DPP6: variants seen among roughly 807,000 people sequenced by gnomAD.
DPP6 encodes A-type potassium channel modulatory protein DPP6.
A neutral mutation model predicts 122.6 loss-of-function variants in DPP6; 69 were observed. The observed-to-expected ratio is 0.56, with a 90% CI of 0.46 to 0.69. The LOEUF is 0.69. Ranked by LOEUF, DPP6 falls within the 30% of genes least tolerant of loss-of-function variation. DPP6 has a pLI of 0.00. For synonymous variants in DPP6, 418 were observed against 433.1 expected (o/e 0.97, Z 0.43); for missense variants, 928 against 1,116.9 (o/e 0.83, Z 2.41).
chr7:153,939,208 C>T (rs369533896), intron 1 of DPP6, among the ~76,000 whole-genome samples: 4 of 152,294 alleles, frequency 2.6e-5, no homozygotes, highest in South Asian at 4.1e-4. Context: ...ACTTCATATA[C>T]AGTACAAATT....
At chr7:153,770,726 A>G in the DPP6 span, among the ~76,000 whole-genome samples, 1 of 152,240 alleles carries the variant, frequency 6.6e-6, no homozygotes, top group Non-Finnish European at 1.5e-5. Flanking sequence ...TGTTAAAGGC[A>G]TGAATGGAAA....
At chr7:154,174,106 T>C (rs73483574) in intron 1 of DPP6, among the ~76,000 whole-genome samples, 2,189 of 152,242 alleles carry the variant, frequency 0.014, 52 homozygotes, top group African/African-American at 0.049. Flanking sequence ...ACAGTTTCCT[T>C]TGGGTGAGAA....
intron 8 of DPP6, among the ~76,000 whole-genome samples, chr7:154,759,445 G>T (rs914254409): frequency 2.0e-5 from 3 of 152,208 alleles, no homozygotes; most frequent in Non-Finnish European, 4.4e-5. Context: ...AAGCACAAGG[G>T]GCAGCGGCAA....
At chr7:153,758,916 A>C in the DPP6 span, among the ~76,000 whole-genome samples, 1 of 152,350 alleles carries the variant, frequency 6.6e-6, no homozygotes, top group East Asian at 1.9e-4. Context: ...GCAAGATCAT[A>C]CAGTAGGCAT....
At chr7:154,765,677 G>C (rs971081452) in intron 8 of DPP6, among the ~76,000 whole-genome samples, 4 of 152,180 alleles carry the variant, frequency 2.6e-5, no homozygotes, top group African/African-American at 7.2e-5. Flanking sequence ...ATCTTCAAGA[G>C]AGAAGCAGCC....
intron 1 of DPP6, among the ~76,000 whole-genome samples, chr7:153,892,633 GCATTTCTAGGAGTGTGGCCTT>G (rs372776057): frequency 6.6e-6 from 1 of 152,090 alleles, no homozygotes; most frequent in African/African-American, 2.4e-5. Context: ...TGTGGGGACA[GCATTTCTAGGAGTGTGGCCTT>G]CAGTAATGCA....
At chr7:153,934,075 C>T (rs1190482071) in intron 1 of DPP6, among the ~76,000 whole-genome samples, 3 of 152,168 alleles carry the variant, frequency 2.0e-5, no homozygotes, top group South Asian at 2.1e-4. Context: ...AGAGGACAGC[C>T]CTGCTGTAGG....
Position 154,770,935 on chromosome 7 carries a change from T to C in DPP6, c.1038+1364T>C, listed in dbSNP as rs372455341. ...ATGCTGGCTTCTGGCTTCACTAGGCTTCTCCAAGACCCCTGGGCTTGGTGG... is the reference window on the plus strand; with the variant it reads ...ATGCTGGCTTCTGGCTTCACTAGGCCTCTCCAAGACCCCTGGGCTTGGTGG... On this transcript the variant is annotated intron_variant, in intron 9 of 25. Transcript: ENST00000377770. 9.8e-5 allele frequency among the ~76,000 whole-genome samples: 15 copies of C among 152,352 alleles called. No homozygotes were observed. The East Asian group carries it at 1.4e-3, about 14-fold the overall frequency.
At chr7:154,051,439 G>GCGGGAGGGC (rs1185554026), upstream of DPP6, among the ~76,000 whole-genome samples, 10 of 151,184 alleles carry the variant, frequency 6.6e-5, no homozygotes, top group Admixed American at 5.3e-4. Flanking sequence ...CGGGGAGGAC[G>GCGGGAGGGC]CGGGAGGGCC....
upstream of DPP6, among the ~76,000 whole-genome samples, chr7:153,883,888 CAGG>C (rs1263062509): frequency 2.0e-5 from 3 of 152,168 alleles, no homozygotes; most frequent in Non-Finnish European, 4.4e-5. Flanking sequence ...ACAAGCTGGG[CAGG>C]AGGAGCAGAA....
intron 1 of DPP6, among the ~76,000 whole-genome samples, chr7:154,100,949 GA>G (rs1805683248): frequency 7.0e-6 from 1 of 142,634 alleles, no homozygotes; most frequent in African/African-American, 2.5e-5. Flanking sequence ...GACCCCAAAC[GA>G]GGCTCACCTC....
rs1489627192 is a variant in DPP6 at position 154,833,697 on chromosome 7, G to A, written c.1667-20083G>A. 6.6e-6 allele frequency among the ~76,000 whole-genome samples: 1 copy of A among 152,106 alleles called. No individual in the cohort carries two copies. Among genetic ancestry groups the A allele is most frequent in the African/African-American group, 2.4e-5 (1 of 41,380 alleles). ...TGGGGAGAATTCACCTCTTGTTTCC[G>A]ATGCCTGGCAACATAAATTCACATA... is the stretch of plus-strand genomic sequence containing the variant. On this transcript the variant is annotated intron_variant, in intron 16 of 25. Coordinates refer to ENST00000377770, the MANE Select transcript of DPP6 (RefSeq NM_130797.4). This position sits in a 1 kb window ranked among gnomAD's most constrained non-coding sequence, Gnocchi z 4.3.
chr7:154,757,168 C>G (rs1843728721), intron 8 of DPP6, among the ~76,000 whole-genome samples: 1 of 150,784 alleles, frequency 6.6e-6, no homozygotes, highest in Non-Finnish European at 1.5e-5. Flanking sequence ...GAGGAACTTG[C>G]CAGCCCCTTC....
chr7:153,775,397 T>C, the DPP6 span, among the ~76,000 whole-genome samples: 1 of 150,016 alleles, frequency 6.7e-6, no homozygotes, highest in Non-Finnish European at 1.5e-5. Flanking sequence ...TGGAACTTAT[T>C]TAACTTGATG....
At chr7:154,023,357 C>CACACACACACACACACAT (rs1563109429) in intron 1 of DPP6, among the ~76,000 whole-genome samples, 85 of 150,962 alleles carry the variant, frequency 5.6e-4, no homozygotes, top group African/African-American at 1.9e-3. Context: ...CACACACACA[C>CACACACACACACACACAT]ACACTTCTTA....
At chr7:154,331,638 G>A (rs923224160) in intron 1 of DPP6, among the ~76,000 whole-genome samples, 38 of 152,198 alleles carry the variant, frequency 2.5e-4, no homozygotes, top group Admixed American at 2.2e-3. Context: ...AATTTGCCAC[G>A]TGTGTGAGCT....
At chr7:153,926,248 G>A (rs1293623891) in intron 1 of DPP6, among the ~76,000 whole-genome samples, 5 of 152,128 alleles carry the variant, frequency 3.3e-5, no homozygotes, top group African/African-American at 9.7e-5. Context: ...ATATATACAA[G>A]TAAATCACAT....
chr7:153,855,853 TATG>T, the DPP6 span, among the ~76,000 whole-genome samples: 3 of 152,206 alleles, frequency 2.0e-5, no homozygotes, highest in East Asian at 3.9e-4. Context: ...CAAAAAAAAA[TATG>T]ATGTAACTTT....
rs552850637 is a variant in DPP6, at chr7:154,508,201, T to C, written c.458-32331T>C. Among the ~76,000 whole-genome samples the C allele has an allele frequency of 4.6e-5, 7 of 152,298 alleles. No homozygotes were observed. In the South Asian group the frequency reaches 1.5e-3, roughly 32 times the overall value. The stretch of plus-strand genomic sequence containing the variant: ...CTGCTCCAAGATAGCCCCCCTTTAG[T>C]GAACTCCTGTCTCCTATGCAGTTCC... On this transcript the variant is annotated intron_variant, in intron 3 of 25. Transcript: ENST00000377770.
Sources: gnomAD v4.1 joint callset for allele counts (sites outside exome capture counted in the v4.1 genomes callset) on GRCh38, gnomAD v4.1.1 for gene constraint, Gnocchi (gnomAD v3.1) non-coding constraint, MANE v1.5 for transcripts, NCBI Gene and HGNC (gene_info 2026-07-23, HGNC 2026-07-21) for gene names.